Variants in ZZEF1 observed in about 807,000 individuals in gnomAD.
ZZEF1 encodes the protein zinc finger ZZ-type and EF-hand domain-containing protein 1.
Under a neutral mutation model 342.8 loss-of-function variants are expected in ZZEF1, and 157 were observed. The ratio of observed to expected loss-of-function variants is 0.46; its 90% CI spans 0.40 to 0.52. The LOEUF (loss-of-function observed/expected upper bound fraction) is 0.52. Ranked by LOEUF, ZZEF1 falls within the 20% of genes least tolerant of loss-of-function variation. The probability of loss-of-function intolerance (pLI) is 0.00; values close to 1 mark genes in which losing one functional copy is unlikely to be tolerated. For missense variants in ZZEF1, 3,480 were observed against 3,725.6 expected (o/e 0.93, Z 1.72); for synonymous variants, 1,505 against 1,429.1 (o/e 1.05, Z -1.20).
At position 4,019,888 on chromosome 17, in the gene ZZEF1, G is replaced by A. The variant is rs892273069; in HGVS notation, c.7405-119C>T. ...AAAAGCTGCCACAGGTTATAATTGA[G>A]GAACATTATATGGGTAGTTTAAAAA... On this transcript the variant is annotated intron_variant, in intron 45 of 54. Coordinates refer to ENST00000381638, the MANE Select transcript of ZZEF1 (RefSeq NM_015113.4). 163 of 682,764 alleles carry A rather than the reference G, an allele frequency of 2.4e-4. 2 individuals are homozygous for A. Among genetic ancestry groups the A allele is most frequent in the Middle Eastern group, 1.1e-3 (4 of 3,596 alleles). 42.3% of individuals were successfully genotyped at this position (682,764 alleles called of 1,614,324 possible).
rs1453208332 is a variant in ZZEF1, at chr17:4,008,521, A to C, written c.8805+362T>G. ...GAAAAGTGTGAAGCGTCCTGAGACC[A>C]AACAGCTGTCAGAAGAGGAGTTCCG... On this transcript the variant is annotated intron_variant, in intron 54 of 54. Transcript: ENST00000381638. The surrounding 1 kb of genome is among the most constrained non-coding windows in gnomAD (Gnocchi z 4.2). The C allele has an allele frequency of 6.3e-5, 66 of 1,042,138 alleles. No individual in the cohort carries two copies. The highest frequency in any genetic ancestry group is 7.5e-5 in the Non-Finnish European group (65 of 865,804). 64.6% of individuals were successfully genotyped at this position (1,042,138 alleles called of 1,614,324 possible). A position where few individuals can be genotyped will look rare whatever the true frequency, so the allele number is the denominator to read the frequency against.
chr17:4,122,916 C>T (rs1344738458), intron 2 of ZZEF1, among the ~76,000 whole-genome samples: 1 of 111,512 alleles, frequency 9.0e-6, no homozygotes, highest in African/African-American at 3.0e-5. Flanking sequence ...TGTTATTGAC[C>T]TCTTCCTTTT....
chr17:4,077,958 G>A lies in ZZEF1; in HGVS notation c.2914C>T (p.Leu972=). ...SLFWSVQGSL[L]SWCYLQLKST... ...TTCAGCTGCAGGTAGCACCAGGATA[G>A]CAGGCTGCCTTGGACGGACCAGAAC... Residue 972 remains leucine, a synonymous_variant, in exon 19 of 55, where the codon CTA becomes TTA. Transcript: ENST00000381638. 1.2e-6 allele frequency: 2 copies of A among 1,614,188 alleles called. No homozygotes were observed. Among genetic ancestry groups the A allele is most frequent in the Non-Finnish European group, 1.7e-6 (2 of 1,180,044 alleles).
At chr17:4,078,471 C>T (rs1478249441) in intron 18 of ZZEF1, among the ~76,000 whole-genome samples, 1 of 152,168 alleles carries the variant, frequency 6.6e-6, no homozygotes, top group African/African-American at 2.4e-5. Context: ...GTTATCTGAC[C>T]TCCAGATACG....
intron 27 of ZZEF1, 143 bp from the exon 28 acceptor site, chr17:4,066,683 C>A (rs991139970): frequency 2.0e-5 from 14 of 711,788 alleles, no homozygotes; most frequent in Admixed American, 9.9e-5. Flanking sequence ...GTAATACTCA[C>A]AACCTTATTA....
intron 34 of ZZEF1, 129 bp from the exon 35 acceptor site, chr17:4,052,265 G>C: frequency 1.2e-6 from 1 of 866,596 alleles, no homozygotes; most frequent in Non-Finnish European, 1.7e-6. Flanking sequence ...GGGCCCACAG[G>C]CGTTCTCTGG....
chr17:4,058,079 G>C lies in ZZEF1; in HGVS notation c.5080C>G (p.Leu1694Val). ...AACTGAATATCAACAAAGAAGGCGA[G>C]ATCATTGGGTTCCCAGCCCATATCC... ...LLDMGWEPND[L>V]AFFVDIQLPD... The change falls in exon 32 of 55, where the codon CTC becomes GTC. Residue 1694 changes from leucine (L) to valine (V), a missense_variant. Leu to Val is a conservative substitution (Grantham distance 32, BLOSUM62 1). Around this residue, in one of 5 missense-constraint regions of ZZEF1, gnomAD observed 1,528 missense variants for 1,624.1 expected, o/e 0.94. Transcript: ENST00000381638. 6.2e-7 allele frequency: 1 copy of C among 1,614,128 alleles called. No individual in the cohort carries two copies. The highest frequency in any genetic ancestry group is 8.5e-7 in the Non-Finnish European group (1 of 1,180,012).
Position 4,016,334 on chromosome 17 carries a change from T to C in ZZEF1, c.8134A>G (p.Thr2712Ala), listed in dbSNP as rs748404281. 1.9e-6 allele frequency: 3 copies of C among 1,613,758 alleles called. No homozygotes were observed. In the Admixed American group the frequency reaches 5.0e-5, roughly 27 times the overall value. Reference protein sequence around the residue: ...RESKHPYNNNTNFEDKVHIPG... With the variant: ...RESKHPYNNNANFEDKVHIPG... ...GGCCCCAGGCTTACCTCGAAGTTGG[T>C]GTTGTTGTTATACGGGTGTTTCGAC... Residue 2712 changes from threonine to alanine, a missense_variant, in exon 49 of 55, where the codon ACC becomes GCC. Thr to Ala is a moderately conservative substitution (Grantham distance 58). This residue lies in a region of ZZEF1 where 1,269 missense variants were observed against 1,342.4 expected (regional missense o/e 0.95). Transcript: ENST00000381638. This position sits in a 1 kb window ranked among gnomAD's most constrained non-coding sequence, Gnocchi z 4.4.
In ZZEF1 at chr17:4,050,867, G is replaced by A. The variant is rs2057029929; in HGVS notation, c.5777C>T (p.Pro1926Leu). The A allele has an allele frequency of 1.2e-6, 2 of 1,614,208 alleles. No homozygotes were observed. The highest frequency in any genetic ancestry group is 1.7e-6 in the Non-Finnish European group (2 of 1,180,024). Reference sequence around the variant, plus strand: ...GGTGGTGGCACTGCTGCGCGTCTGGGGGTCCAGCTTCTCCCCATCCACATC... The same window carrying A: ...GGTGGTGGCACTGCTGCGCGTCTGGAGGTCCAGCTTCTCCCCATCCACATC... Reference protein sequence around the residue: ...AEDVDGEKLDPQTRSSATTLR... With the variant: ...AEDVDGEKLDLQTRSSATTLR... Residue 1926 changes from proline (P) to leucine (L), a missense_variant, in exon 36 of 55, where the codon CCC becomes CTC. This residue lies in a region of ZZEF1 where 1,269 missense variants were observed against 1,342.4 expected (regional missense o/e 0.95). Coordinates refer to ENST00000381638, the MANE Select transcript of ZZEF1 (RefSeq NM_015113.4).
At chr17:4,066,225 T>G (rs2057391344) in intron 28 of ZZEF1, among the ~76,000 whole-genome samples, 1 of 152,176 alleles carries the variant, frequency 6.6e-6, no homozygotes, top group South Asian at 2.1e-4. Context: ...GAGAAGTGAT[T>G]AGAAAGATGT....
intron 15 of ZZEF1, among the ~76,000 whole-genome samples, 167 bp downstream of exon 15, chr17:4,086,314 CGGCAA>C (rs2057821225): frequency 1.5e-5 from 2 of 136,828 alleles, no homozygotes; most frequent in East Asian, 4.1e-4. Context: ...ATTCCCACAG[CGGCAA>C]TCCCTTTCTG....
At chr17:4,007,090 T>G in intron 54 of ZZEF1, 120 bp from the exon 55 acceptor site, 2 of 841,044 alleles carry the variant, frequency 2.4e-6, no homozygotes, top group Non-Finnish European at 3.6e-6. Flanking sequence ...ACCAGATGTG[T>G]TCCCCTCCCC....
Position 4,034,312 on chromosome 17 carries a change from A to T in ZZEF1, c.6307-20T>A. On this transcript the variant is annotated intron_variant, in intron 39 of 54. Coordinates refer to ENST00000381638, the MANE Select transcript of ZZEF1 (RefSeq NM_015113.4). ...GGGGCCCTGCCAAGAGAGGGAGAGA[A>T]ATCTGTTCAGTACAAAATCCACATA... The T allele has an allele frequency of 6.2e-7, 1 of 1,613,054 alleles. No homozygotes were observed. Among genetic ancestry groups the T allele is most frequent in the Non-Finnish European group, 8.5e-7 (1 of 1,179,242 alleles).
rs754324143 is a variant in ZZEF1, at chr17:4,025,064, C to T, written c.6947G>A (p.Arg2316Gln). The T allele has an allele frequency of 1.8e-5, 29 of 1,614,000 alleles. No individual in the cohort carries two copies. The highest frequency in any genetic ancestry group is 4.4e-5 in the South Asian group (4 of 91,090). The change falls in exon 43 of 55, where the codon CGG becomes CAG. Residue 2316 changes from arginine (R) to glutamine (Q), a missense_variant. Physicochemically the swap from Arg to Gln is conservative, Grantham distance 43. This residue lies in a region of ZZEF1 where 1,269 missense variants were observed against 1,342.4 expected (regional missense o/e 0.95). Coordinates refer to ENST00000381638, the MANE Select transcript of ZZEF1 (RefSeq NM_015113.4). ...CTGGGAGTACTGGCTCAGCTGGGCC[C>T]GAGAGTCACCACACTCTTGTCCTCC... ...KGGGQECGDSRAQLSQYSQHF... is the reference protein window; with the variant it reads ...KGGGQECGDSQAQLSQYSQHF...
intron 18 of ZZEF1, among the ~76,000 whole-genome samples, chr17:4,079,080 T>TA (rs1272158321): frequency 6.6e-6 from 1 of 152,196 alleles, no homozygotes; most frequent in African/African-American, 2.4e-5. Context: ...TATATACAAT[T>TA]ATGCGAAATT....
intron 16 of ZZEF1, among the ~76,000 whole-genome samples, chr17:4,082,839 G>C (rs995459080): frequency 1.3e-5 from 2 of 152,066 alleles, no homozygotes; most frequent in African/African-American, 4.8e-5. Context: ...GCAATGGCGC[G>C]ATCTCAGCTC....
chr17:4,116,851 C>CA (rs1277763212), intron 3 of ZZEF1, 121 bp downstream of exon 3: 1 of 1,059,808 alleles, frequency 9.4e-7, no homozygotes, highest in East Asian at 2.6e-5. Context: ...TCTTACGTTA[C>CA]AAACTCATGA....
chr17:4,109,508 C>A (rs946414516), intron 6 of ZZEF1, 145 bp downstream of exon 6: 18 of 757,748 alleles, frequency 2.4e-5, no homozygotes, highest in Non-Finnish European at 3.9e-5. Flanking sequence ...CTGAGTGGCA[C>A]GAACAGGAAA....
chr17:4,102,021 A>C (rs2058135320), intron 9 of ZZEF1, among the ~76,000 whole-genome samples: 1 of 152,186 alleles, frequency 6.6e-6, no homozygotes, highest in South Asian at 2.1e-4. Context: ...ACACAATAGA[A>C]AGACAATTGG....
Sources: gnomAD v4.1 joint callset for allele counts (sites outside exome capture counted in the v4.1 genomes callset) on GRCh38, gnomAD v4.1.1 for gene constraint, gnomAD v4.1.1 regional missense constraint, Gnocchi (gnomAD v3.1) non-coding constraint, MANE v1.5 for transcripts, NCBI Gene and HGNC (gene_info 2026-07-23, HGNC 2026-07-21) for gene names.